TRAPPC9: variants seen among roughly 807,000 people sequenced by gnomAD.
TRAPPC9 encodes the protein IKK2 binding protein.
In TRAPPC9, 83 loss-of-function variants were observed where a neutral mutation model predicts 124.0. That is an observed-to-expected ratio of 0.67 (90% CI 0.56 to 0.80). TRAPPC9 has a LOEUF of 0.80. Ranked by LOEUF, TRAPPC9 falls within the 30% of genes least tolerant of loss-of-function variation. The probability of loss-of-function intolerance (pLI) is 0.00; values close to 1 mark genes in which losing one functional copy is unlikely to be tolerated. For missense variants in TRAPPC9, 1,302 were observed against 1,508.3 expected (o/e 0.86, Z 2.27); for synonymous variants, 638 against 617.5 (o/e 1.03, Z -0.49).
chr8:140,349,407 AGG>A (rs2067470512), intron 9 of TRAPPC9, among the ~76,000 whole-genome samples: 1 of 133,874 alleles, frequency 7.5e-6, no homozygotes, highest in South Asian at 2.6e-4. Flanking sequence ...GGGGCGCGCG[AGG>A]GAAGGGCACA....
chr8:139,904,715 C>T (rs1381235549), intron 20 of TRAPPC9: 4 of 152,162 alleles, frequency 2.6e-5, no homozygotes, highest in Non-Finnish European at 5.9e-5. Flanking sequence ...TTCTGCTCAC[C>T]CATAGGTGAC....
At chr8:139,987,277 C>T (rs1216620783) in intron 19 of TRAPPC9, among the ~76,000 whole-genome samples, 1 of 152,182 alleles carries the variant, frequency 6.6e-6, no homozygotes, top group Non-Finnish European at 1.5e-5. Flanking sequence ...GTTGAAATAG[C>T]TGGGCAAAGG....
At chr8:140,362,148 C>T (rs1398121599) in intron 8 of TRAPPC9, among the ~76,000 whole-genome samples, 1 of 152,130 alleles carries the variant, frequency 6.6e-6, no homozygotes, top group East Asian at 1.9e-4. Flanking sequence ...CTCATCAATC[C>T]TTAATTTCCT....
intron 21 of TRAPPC9, 123 bp from the exon 22 acceptor site, chr8:139,732,325 C>T: frequency 1.1e-6 from 1 of 918,584 alleles, no homozygotes; most frequent in Non-Finnish European, 1.6e-6. Flanking sequence ...CCACCCACTC[C>T]CTGCCAGGCT....
chr8:139,730,854 G>A lies in TRAPPC9; in HGVS notation c.*207C>T, dbSNP rs893228404. ...TCCAGGGAACAGTGTAGGAAGGGGC[G>A]TGGCATGGGGTGGGGCTGCCATGTC... On this transcript the variant is annotated 3_prime_UTR_variant, in exon 23 of 23. Coordinates refer to ENST00000438773, the MANE Select transcript of TRAPPC9 (RefSeq NM_001160372.4). The A allele has an allele frequency of 2.1e-5, 13 of 606,534 alleles. No individual in the cohort carries two copies. Among genetic ancestry groups the A allele is most frequent in the African/African-American group, 9.3e-5 (5 of 53,942 alleles). The allele number at this position is 606,534 out of a possible 1,614,324, so 37.6% of individuals were successfully genotyped here.
At chr8:140,298,977 T>G (rs896287096) in intron 11 of TRAPPC9, among the ~76,000 whole-genome samples, 1 of 152,142 alleles carries the variant, frequency 6.6e-6, no homozygotes. Flanking sequence ...CAGTGTGGGT[T>G]TGAGCTGGAG....
intron 21 of TRAPPC9, among the ~76,000 whole-genome samples, chr8:139,820,447 T>C (rs1228292087): frequency 1.3e-5 from 2 of 152,248 alleles, no homozygotes; most frequent in Non-Finnish European, 2.9e-5. Context: ...CCCAAAGTGC[T>C]GGGATTACAG....
chr8:139,784,811 C>A (rs915876397), intron 21 of TRAPPC9, among the ~76,000 whole-genome samples: 1 of 151,556 alleles, frequency 6.6e-6, no homozygotes, highest in Non-Finnish European at 1.5e-5. Flanking sequence ...AAATTATAGA[C>A]GGCTCAAAAA....
chr8:140,193,420 A>C (rs1022215709), intron 17 of TRAPPC9, among the ~76,000 whole-genome samples: 3 of 152,174 alleles, frequency 2.0e-5, no homozygotes, highest in Non-Finnish European at 2.9e-5. Flanking sequence ...TAGGCATTGC[A>C]AAGCCTAGCT....
intron 21 of TRAPPC9, among the ~76,000 whole-genome samples, chr8:139,812,585 G>A (rs554513341): frequency 6.6e-6 from 1 of 152,208 alleles, no homozygotes; most frequent in South Asian, 2.1e-4. Context: ...GGAACGAATT[G>A]GCTTTTTAAG....
intron 17 of TRAPPC9, chr8:140,096,226 G>A (rs747356035): frequency 1.3e-5 from 2 of 152,284 alleles, no homozygotes; most frequent in Admixed American, 1.3e-4. Flanking sequence ...CACAGGGGCT[G>A]AGTGTCGGAG....
chr8:140,119,685 C>A (rs1009006345), intron 17 of TRAPPC9, among the ~76,000 whole-genome samples: 8 of 152,190 alleles, frequency 5.3e-5, no homozygotes, highest in African/African-American at 1.9e-4. Context: ...GAAGAGGTCA[C>A]GCAATATTTT....
intron 21 of TRAPPC9, among the ~76,000 whole-genome samples, chr8:139,786,081 G>A (rs565856386): frequency 1.1e-4 from 17 of 152,010 alleles, no homozygotes; most frequent in Admixed American, 4.6e-4. Context: ...GGTGGCGGGC[G>A]CCTGTAATTC....
At chr8:140,264,106 A>C (rs748536108) in intron 15 of TRAPPC9, among the ~76,000 whole-genome samples, 6 of 152,228 alleles carry the variant, frequency 3.9e-5, no homozygotes, top group Non-Finnish European at 8.8e-5. Flanking sequence ...ATGTAAAAAT[A>C]GCCTAATAAA....
chr8:139,977,617 CAA>C (rs368480588), intron 19 of TRAPPC9, among the ~76,000 whole-genome samples: 10,465 of 111,824 alleles, frequency 0.094, 740 homozygotes, highest in African/African-American at 0.21. Context: ...GACTCTGTCT[CAA>C]AAAAAAAAAA....
chr8:140,293,774 G>A (rs868512063), intron 11 of TRAPPC9, among the ~76,000 whole-genome samples: 1 of 152,220 alleles, frequency 6.6e-6, no homozygotes, highest in East Asian at 1.9e-4. Context: ...TAAATGACAA[G>A]TTAATGGGTG....
chr8:140,027,503 T>C (rs1840221665), intron 17 of TRAPPC9, among the ~76,000 whole-genome samples: 1 of 152,174 alleles, frequency 6.6e-6, no homozygotes, highest in African/African-American at 2.4e-5. Context: ...CACAGACAAC[T>C]GTCAAAGTAC....
intron 9 of TRAPPC9, among the ~76,000 whole-genome samples, chr8:140,350,069 A>G (rs972804085): frequency 1.3e-5 from 2 of 152,228 alleles, no homozygotes; most frequent in Non-Finnish European, 2.9e-5. Context: ...AAAGTCAAGA[A>G]GCACCTTTTG....
At chr8:139,939,372 G>A (rs1292519892) in intron 19 of TRAPPC9, among the ~76,000 whole-genome samples, 3 of 152,192 alleles carry the variant, frequency 2.0e-5, no homozygotes, top group African/African-American at 7.2e-5. Context: ...AGAGGGGGCC[G>A]GGAAGCGGGG....
Sources: allele counts gnomAD v4.1 joint callset (sites outside exome capture counted in the v4.1 genomes callset), GRCh38; gene constraint gnomAD v4.1.1; transcripts MANE v1.5; gene names NCBI Gene and HGNC (gene_info 2026-07-23, HGNC 2026-07-21).